Variants in ENPP3 observed in about 807,000 individuals in gnomAD.
ENPP3 encodes the protein ectonucleotide pyrophosphatase/phosphodiesterase 3.
In ENPP3, 104 loss-of-function variants were observed where a neutral mutation model predicts 117.8. The observed-to-expected ratio is 0.88, with a 90% CI of 0.75 to 1.04. ENPP3 has a LOEUF of 1.04. ENPP3 is among the 50% of genes least tolerant of loss of function. The pLI is 0.00. For missense variants in ENPP3, 1,026 were observed against 1,051.9 expected (o/e 0.98, Z 0.34); for synonymous variants, 380 against 349.9 (o/e 1.09, Z -0.96).
chr6:131,646,543 C>G (rs1778156620), intron 2 of ENPP3, among the ~76,000 whole-genome samples: 1 of 152,056 alleles, frequency 6.6e-6, no homozygotes, highest in South Asian at 2.1e-4. Context: ...AGATTATGAG[C>G]CTCCTAGTCT....
At chr6:131,681,880 C>T (rs1779030001) in intron 11 of ENPP3, among the ~76,000 whole-genome samples, 1 of 152,122 alleles carries the variant, frequency 6.6e-6, no homozygotes, top group Admixed American at 6.6e-5. Flanking sequence ...TACTCTTTCA[C>T]CCAGACTGGA....
intron 24 of ENPP3, among the ~76,000 whole-genome samples, chr6:131,740,651 G>A (rs1780509563): frequency 6.6e-6 from 1 of 152,028 alleles, no homozygotes; most frequent in African/African-American, 2.4e-5. Flanking sequence ...TAATGAAAGA[G>A]GTGAAATCTT....
chr6:131,672,524 C>T (rs924837691), intron 7 of ENPP3, among the ~76,000 whole-genome samples: 2 of 152,018 alleles, frequency 1.3e-5, no homozygotes, highest in Non-Finnish European at 2.9e-5. Context: ...ATGTGTTGAT[C>T]AGAAGACAAA....
At chr6:131,647,512 T>A (rs11965499) in intron 2 of ENPP3, among the ~76,000 whole-genome samples, 4,150 of 152,230 alleles carry the variant, frequency 0.027, 199 homozygotes, top group African/African-American at 0.093. Flanking sequence ...AAGATTTTTT[T>A]AATTAATTTA....
Position 131,677,958 on chromosome 6 carries a change from T to C in ENPP3, c.1011+18T>C. The C allele has an allele frequency of 1.3e-6, 2 of 1,519,342 alleles. No individual in the cohort carries two copies. The highest frequency in any genetic ancestry group is 1.8e-6 in the Non-Finnish European group (2 of 1,107,548). 94.1% of individuals were successfully genotyped at this position (1,519,342 alleles called of 1,614,324 possible). ...GTGCCAGAGTAAGTTGTTGTTTTCT[T>C]AAAAGAAAAAAAAAAATGTAAAATC... is the stretch of plus-strand genomic sequence containing the variant. On this transcript the variant is annotated intron_variant, in intron 11 of 24. Transcript: ENST00000357639.
intron 2 of ENPP3, among the ~76,000 whole-genome samples, chr6:131,645,473 G>T (rs1285549908): frequency 6.6e-6 from 1 of 152,178 alleles, no homozygotes; most frequent in African/African-American, 2.4e-5. Flanking sequence ...TGGTCTGGTG[G>T]ATGGTTGATA....
intron 14 of ENPP3, among the ~76,000 whole-genome samples, chr6:131,692,490 G>A (rs73001214): frequency 0.081 from 12,305 of 151,378 alleles, 848 homozygotes; most frequent in East Asian, 0.33. Flanking sequence ...AATTGAGTCT[G>A]TTGGAAAGTA....
At chr6:131,739,661 T>G (rs1780484367) in intron 23 of ENPP3, among the ~76,000 whole-genome samples, 3 of 150,608 alleles carry the variant, frequency 2.0e-5, no homozygotes, top group Non-Finnish European at 4.4e-5. Flanking sequence ...AGCTTGGACT[T>G]CTACTGTAAT....
intron 12 of ENPP3, 111 bp downstream of exon 12, chr6:131,683,273 C>A: frequency 1.6e-6 from 1 of 630,204 alleles, no homozygotes. Flanking sequence ...GACCTAAAGT[C>A]TCTTGAAGAA....
intron 10 of ENPP3, among the ~76,000 whole-genome samples, chr6:131,677,090 G>A (rs1778885480): frequency 6.6e-6 from 1 of 152,026 alleles, no homozygotes; most frequent in Admixed American, 6.6e-5. Flanking sequence ...TAAAGAATTA[G>A]CTGGGCATGG....
intron 6 of ENPP3, among the ~76,000 whole-genome samples, chr6:131,665,861 A>G (rs1397579905): frequency 6.6e-6 from 1 of 152,144 alleles, no homozygotes; most frequent in African/African-American, 2.4e-5. Context: ...TTATTACTAT[A>G]ACTTCCATCT....
At chr6:131,741,262 T>G (rs1780522293) in intron 24 of ENPP3, among the ~76,000 whole-genome samples, 1 of 152,198 alleles carries the variant, frequency 6.6e-6, no homozygotes, top group Non-Finnish European at 1.5e-5. Context: ...AGTATCATGA[T>G]AGAAACTCTT....
At chr6:131,675,546 A>G (rs1778847957) in intron 9 of ENPP3, among the ~76,000 whole-genome samples, 1 of 152,084 alleles carries the variant, frequency 6.6e-6, no homozygotes. Context: ...ATTCAAGTCC[A>G]GCCAGGTGCG....
At position 131,640,246 on chromosome 6, in the gene ENPP3, C is replaced by T. The variant is rs534632090; in HGVS notation, c.79-1209C>T. 7.2e-5 allele frequency among the ~76,000 whole-genome samples: 11 copies of T among 152,284 alleles called. No homozygotes were observed. The South Asian group carries it at 2.3e-3, about 32-fold the overall frequency. On this transcript the variant is annotated intron_variant, in intron 1 of 24. Coordinates refer to ENST00000357639, the MANE Select transcript of ENPP3 (RefSeq NM_005021.5). ...AGGTTTACCAGAAGGAGTTCCCCAA[C>T]GTTGTTTTTCTGCTTTGTAGTCACT...
intron 2 of ENPP3, chr6:131,643,112 G>T (rs1386855965): frequency 6.6e-6 from 1 of 152,204 alleles, no homozygotes; most frequent in Non-Finnish European, 1.5e-5. Flanking sequence ...AGCTTCCCTA[G>T]TATGACCTAG....
chr6:131,698,224 C>G (rs950873060), intron 15 of ENPP3, among the ~76,000 whole-genome samples: 2 of 151,412 alleles, frequency 1.3e-5, no homozygotes, highest in Admixed American at 1.3e-4. Context: ...GAACGTTTTT[C>G]TAGGACACAA....
intron 11 of ENPP3, 29 bp from the exon 12 acceptor site, chr6:131,683,025 G>T: frequency 1.5e-6 from 2 of 1,348,608 alleles, no homozygotes; most frequent in South Asian, 1.2e-5. Context: ...AACTCATTAC[G>T]ACAATCTTAA....
chr6:131,638,803 T>C (rs1038122881), intron 1 of ENPP3, among the ~76,000 whole-genome samples: 1 of 140,134 alleles, frequency 7.1e-6, no homozygotes, highest in African/African-American at 3.0e-5. Flanking sequence ...ACACAATTTC[T>C]TTTTTTTTTT....
chr6:131,658,258 T>C, intron 5 of ENPP3, 65 bp from the exon 6 acceptor site: 3 of 848,720 alleles, frequency 3.5e-6, no homozygotes, highest in Non-Finnish European at 6.1e-6. Context: ...AAAAAAGGAT[T>C]GCAATGCTTT....
Sources: allele counts gnomAD v4.1 joint callset (sites outside exome capture counted in the v4.1 genomes callset), GRCh38; gene constraint gnomAD v4.1.1; transcripts MANE v1.5; gene names NCBI Gene and HGNC (gene_info 2026-07-23, HGNC 2026-07-21).